The following DCC variants were observed in gnomAD, a reference collection of about 807,000 sequenced individuals.
DCC encodes the protein netrin receptor DCC.
Under a neutral mutation model 172.5 loss-of-function variants are expected in DCC, and 58 were observed. The ratio of observed to expected loss-of-function variants is 0.34; its 90% confidence interval spans 0.27 to 0.42. The LOEUF is 0.42. Among genes scored for constraint, DCC ranks in the 10% least tolerant of loss-of-function variants. The pLI is 1.00. For missense variants in DCC, 1,740 were observed against 1,791.0 expected (o/e 0.97, Z 0.51); for synonymous variants, 709 against 644.5 (o/e 1.10, Z -1.52).
intron 7 of DCC, among the ~76,000 whole-genome samples, chr18:53,145,609 T>G (rs2043900639): frequency 6.6e-6 from 1 of 152,192 alleles, no homozygotes; most frequent in Non-Finnish European, 1.5e-5. Context: ...CTGCTGTTGA[T>G]AGATTACCCA....
chr18:53,493,571 T>A (rs1355135064), intron 26 of DCC, among the ~76,000 whole-genome samples: 4 of 152,212 alleles, frequency 2.6e-5, no homozygotes, highest in African/African-American at 9.7e-5. Context: ...GTTTATAGTA[T>A]TCTCTGATGG....
chr18:52,658,672 A>T, intron 1 of DCC, among the ~76,000 whole-genome samples: 1 of 152,192 alleles, frequency 6.6e-6, no homozygotes, highest in African/African-American at 2.4e-5. Context: ...AGCACCCTTC[A>T]TTCCAAGACA....
intron 12 of DCC, among the ~76,000 whole-genome samples, chr18:53,267,235 G>A (rs542639911): frequency 6.6e-6 from 1 of 151,656 alleles, no homozygotes; most frequent in East Asian, 1.9e-4. Flanking sequence ...CACCCAGGCT[G>A]GAGTGCAGTG....
chr18:52,515,606 C>CAAAAAAAAA (rs58112743), intron 1 of DCC, among the ~76,000 whole-genome samples: 465 of 10,266 alleles, frequency 0.045, 73 homozygotes, highest in African/African-American at 0.09. Flanking sequence ...AACCCTGTCT[C>CAAAAAAAAA]AAAAAAAAAA....
intron 8 of DCC, among the ~76,000 whole-genome samples, chr18:53,159,897 A>G (rs4245253): frequency 0.39 from 58,948 of 151,962 alleles, 12,598 homozygotes; most frequent in East Asian, 0.71. Flanking sequence ...GGGAATTCAG[A>G]TAAAGAATTC....
At chr18:52,880,708 C>A (rs554564305) in intron 2 of DCC, among the ~76,000 whole-genome samples, 1 of 152,248 alleles carries the variant, frequency 6.6e-6, no homozygotes, top group South Asian at 2.1e-4. Context: ...TTTTTTATGG[C>A]TGAATAGTAC....
At chr18:53,203,237 G>A (rs990254693) in intron 9 of DCC, among the ~76,000 whole-genome samples, 25 of 149,266 alleles carry the variant, frequency 1.7e-4, no homozygotes, top group Middle Eastern at 3.4e-3. Context: ...GTGTGTGTGC[G>A]TGTGTGTGTG....
chr18:53,275,102 G>A (rs568320588), intron 12 of DCC, among the ~76,000 whole-genome samples: 1 of 152,206 alleles, frequency 6.6e-6, no homozygotes, highest in South Asian at 2.1e-4. Flanking sequence ...GGATAGTGAG[G>A]AATGCACAGA....
intron 1 of DCC, among the ~76,000 whole-genome samples, chr18:52,601,224 G>A (rs1421403274): frequency 6.6e-6 from 1 of 151,900 alleles, no homozygotes; most frequent in Non-Finnish European, 1.5e-5. Flanking sequence ...TTTACTTAAT[G>A]TTTATTTGCA....
At chr18:52,919,543 G>T (rs531052855) in intron 3 of DCC, among the ~76,000 whole-genome samples, 3 of 152,106 alleles carry the variant, frequency 2.0e-5, no homozygotes, top group Admixed American at 6.6e-5. Context: ...ATGAAGCTAC[G>T]ATGGTAACAA....
chr18:52,544,781 T>TA (rs1037298594), intron 1 of DCC, among the ~76,000 whole-genome samples: 3 of 152,264 alleles, frequency 2.0e-5, no homozygotes, highest in Non-Finnish European at 2.9e-5. Context: ...TTCTGTCTTT[T>TA]AAAAAAATAC....
chr18:53,306,816 A>T (rs1418737487), intron 13 of DCC, among the ~76,000 whole-genome samples: 1 of 152,232 alleles, frequency 6.6e-6, no homozygotes, highest in East Asian at 1.9e-4. Flanking sequence ...CAAGCAAAGC[A>T]TATAGAATGG....
At chr18:53,216,055 G>A (rs2055842391) in intron 12 of DCC, among the ~76,000 whole-genome samples, 1 of 152,124 alleles carries the variant, frequency 6.6e-6, no homozygotes, top group East Asian at 1.9e-4. Context: ...AGTCATTGAA[G>A]GCCATTCTTG....
intron 1 of DCC, among the ~76,000 whole-genome samples, chr18:52,537,864 T>A (rs1329113035): frequency 6.6e-6 from 1 of 152,180 alleles, no homozygotes; most frequent in African/African-American, 2.4e-5. Flanking sequence ...AAGTCCTATT[T>A]TGCCTCTCTG....
chr18:52,925,517 C>A, intron 5 of DCC, 147 bp downstream of exon 5: 1 of 816,600 alleles, frequency 1.2e-6, no homozygotes, highest in Non-Finnish European at 2.1e-6. Flanking sequence ...TTGCTTTGCT[C>A]TGATTAATTG....
intron 13 of DCC, among the ~76,000 whole-genome samples, chr18:53,314,295 G>T (rs965759513): frequency 1.3e-5 from 2 of 152,078 alleles, no homozygotes; most frequent in Admixed American, 6.6e-5. Context: ...AAAAAGGATC[G>T]CAAGTTAAAT....
At chr18:53,439,288 G>C (rs1453422866) in intron 22 of DCC, among the ~76,000 whole-genome samples, 1 of 152,096 alleles carries the variant, frequency 6.6e-6, no homozygotes, top group Non-Finnish European at 1.5e-5. Context: ...TTAAAAGGGG[G>C]GTATGTTTTC....
chr18:52,997,978 C>T (rs2143832879), intron 5 of DCC, among the ~76,000 whole-genome samples: 1 of 152,190 alleles, frequency 6.6e-6, no homozygotes, highest in Non-Finnish European at 1.5e-5. Flanking sequence ...TTCAACCCTT[C>T]TGTGCTGGAA....
chr18:52,945,632 T>C (rs895678457), intron 5 of DCC, among the ~76,000 whole-genome samples: 32 of 152,226 alleles, frequency 2.1e-4, no homozygotes, highest in Non-Finnish European at 5.9e-5. Flanking sequence ...TCTGAGTTGA[T>C]GCTGGCACTG....
Sources: allele counts gnomAD v4.1 joint callset (sites outside exome capture counted in the v4.1 genomes callset), GRCh38; gene constraint gnomAD v4.1.1; transcripts MANE v1.5; gene names NCBI Gene and HGNC (gene_info 2026-07-23, HGNC 2026-07-21).